The following BDP1 variants were observed in gnomAD, a reference collection of about 807,000 sequenced individuals.
BDP1 encodes transcription factor TFIIIB component B'' homolog.
In BDP1, 169 loss-of-function variants were observed where a neutral mutation model predicts 266.6. The observed-to-expected ratio is 0.63, with a 90% CI of 0.56 to 0.72. The LOEUF (loss-of-function observed/expected upper bound fraction) is 0.72, where lower values mean the gene tolerates loss of function less well. BDP1 is among the 30% of genes least tolerant of loss of function. The pLI, the probability that BDP1 is intolerant of heterozygous loss-of-function variation, is 0.00. For synonymous variants in BDP1, 1,090 were observed against 1,022.4 expected (o/e 1.07, Z -1.26); for missense variants, 3,015 against 3,053.8 (o/e 0.99, Z 0.30).
intron 11 of BDP1, among the ~76,000 whole-genome samples, chr5:71,493,898 T>C (rs1763735536): frequency 6.6e-6 from 1 of 152,228 alleles, no homozygotes; most frequent in African/African-American, 2.4e-5. Flanking sequence ...ACATAATATT[T>C]GATCCTTGTG....
At chr5:71,533,316 T>C (rs1054729466) in intron 26 of BDP1, among the ~76,000 whole-genome samples, 2 of 152,204 alleles carry the variant, frequency 1.3e-5, no homozygotes, top group African/African-American at 4.8e-5. Flanking sequence ...CTGAGTCATA[T>C]GGTAACTCTA....
At position 71,477,563 on chromosome 5, in the gene BDP1, C is replaced by T. The variant is rs1762666679; in HGVS notation, c.1015-6279C>T. Among the ~76,000 whole-genome samples the T allele has an allele frequency of 3.3e-5, 5 of 151,514 alleles. 1 individual carries two copies. The East Asian group carries it at 9.7e-4, about 29-fold the overall frequency. On this transcript the variant is annotated intron_variant, in intron 7 of 38. Coordinates refer to ENST00000358731, the MANE Select transcript of BDP1 (RefSeq NM_018429.3). ...AATGATCACAACTGATTACAGATTT[C>T]TTTTTTAATATTAAAAATTTTTTTT...
chr5:71,461,942 T>C lies in BDP1; in HGVS notation c.599+16T>C. On this transcript the variant is annotated intron_variant, in intron 3 of 38. Coordinates refer to ENST00000358731, the MANE Select transcript of BDP1 (RefSeq NM_018429.3). ...ATCCAATGACGTAAGTAAAATTTAT[T>C]TCTGCTTTACTATCTCTTTTTTTTT... 1.5e-6 allele frequency: 2 copies of C among 1,294,382 alleles called. No homozygotes were observed. Among genetic ancestry groups the C allele is most frequent in the Admixed American group, 2.0e-5 (1 of 50,836 alleles). 80.2% of individuals were successfully genotyped at this position (1,294,382 alleles called of 1,614,324 possible).
At chr5:71,468,889 G>A (rs1160021500) in intron 6 of BDP1, among the ~76,000 whole-genome samples, 1 of 151,980 alleles carries the variant, frequency 6.6e-6, no homozygotes, top group Non-Finnish European at 1.5e-5. Flanking sequence ...TTACACGCGT[G>A]AGCCACTGTG....
intron 16 of BDP1, among the ~76,000 whole-genome samples, chr5:71,506,547 C>T (rs1764585910): frequency 1.3e-5 from 2 of 151,898 alleles, no homozygotes; most frequent in South Asian, 4.2e-4. Flanking sequence ...GAGGCTGAGA[C>T]AGGAGGATCA....
chr5:71,510,651 C>T lies in BDP1; in HGVS notation c.3559C>T (p.Arg1187Ter), dbSNP rs1183656876. The T allele has an allele frequency of 1.4e-5, 22 of 1,585,446 alleles. No homozygotes were observed. The highest frequency in any genetic ancestry group is 1.7e-5 in the Non-Finnish European group (20 of 1,162,608). The change falls in exon 17 of 39, where the codon CGA (arginine) becomes TGA (stop). Residue 1187 changes from arginine (R) to a stop codon, truncating the protein, a stop_gained. Transcript: ENST00000358731. LOFTEE classifies it high-confidence loss of function. ...AGAGGGTTCCTCAAGGGAGAAGACACGAGAGGTGATTGATGCTGCTGAGGT... is the reference window on the plus strand; with the variant it reads ...AGAGGGTTCCTCAAGGGAGAAGACATGAGAGGTGATTGATGCTGCTGAGGT... ...GREGSSREKT[R>*]EVIDAAEVIE...
chr5:71,460,474 G>GT (rs2150344856), intron 2 of BDP1, among the ~76,000 whole-genome samples: 1 of 152,184 alleles, frequency 6.6e-6, no homozygotes, highest in East Asian at 1.9e-4. Flanking sequence ...ATGCCTCTTA[G>GT]TTTTTTTTAA....
intron 11 of BDP1, among the ~76,000 whole-genome samples, chr5:71,493,510 G>A (rs1032829502): frequency 6.6e-6 from 1 of 152,158 alleles, no homozygotes; most frequent in Non-Finnish European, 1.5e-5. Flanking sequence ...CTCAGCATGA[G>A]CCACTGTGTC....
In BDP1 at chr5:71,564,794, G is replaced by T. The variant is rs766797114; in HGVS notation, c.7784G>T (p.Ser2595Ile). Residue 2595 changes from serine (S) to isoleucine (I), a missense_variant, in exon 39 of 39, where the codon AGT becomes ATT. Ser to Ile is a moderately radical substitution (Grantham distance 142, BLOSUM62 -2). Coordinates refer to ENST00000358731, the MANE Select transcript of BDP1 (RefSeq NM_018429.3). Reference protein sequence around the residue: ...DQPLLKEGYKSAQKRAPQGEA... With the variant: ...DQPLLKEGYKIAQKRAPQGEA... ...CCCTTACTGAAAGAAGGATATAAAA[G>T]TGCCCAAAAGCGGGCCCCTCAAGGG... The T allele has an allele frequency of 9.3e-6, 15 of 1,610,798 alleles. No individual in the cohort carries two copies. The Admixed American group carries it at 2.5e-4, about 27-fold the overall frequency.
chr5:71,542,611 C>T (rs996459605), intron 30 of BDP1, among the ~76,000 whole-genome samples: 1 of 152,020 alleles, frequency 6.6e-6, no homozygotes, highest in African/African-American at 2.4e-5. Context: ...GTGACTCACA[C>T]CTGTAATTCC....
At chr5:71,499,644 A>C (rs1764111570) in intron 13 of BDP1, among the ~76,000 whole-genome samples, 2 of 152,194 alleles carry the variant, frequency 1.3e-5, no homozygotes, top group South Asian at 2.1e-4. Context: ...TTAAAAAAAA[A>C]CCCTTTTCCT....
intron 28 of BDP1, 31 bp from the exon 29 acceptor site, chr5:71,541,423 T>C (rs1766954307): frequency 9.8e-7 from 1 of 1,016,646 alleles, no homozygotes; most frequent in Non-Finnish European, 1.4e-6. Context: ...ATTTGGTCCA[T>C]TTTAATTTTG....
At chr5:71,483,989 T>C in intron 8 of BDP1, 93 bp downstream of exon 8, 1 of 1,088,494 alleles carries the variant, frequency 9.2e-7, no homozygotes, top group Non-Finnish European at 1.4e-6. Flanking sequence ...TTTAGATTTG[T>C]TTTGTTCCTG....
chr5:71,485,801 A>G (rs1343189140), intron 8 of BDP1, among the ~76,000 whole-genome samples: 1 of 152,200 alleles, frequency 6.6e-6, no homozygotes, highest in Non-Finnish European at 1.5e-5. Context: ...AATGGTTGTG[A>G]TAAAGGTAGG....
chr5:71,505,889 C>T (rs1486937176), intron 16 of BDP1, among the ~76,000 whole-genome samples: 1 of 152,172 alleles, frequency 6.6e-6, no homozygotes, highest in Non-Finnish European at 1.5e-5. Context: ...AGTACCTAAC[C>T]TGAGAGTGAA....
chr5:71,562,139 A>G (rs1171037176), intron 37 of BDP1, 135 bp from the exon 38 acceptor site: 3 of 699,904 alleles, frequency 4.3e-6, no homozygotes, highest in East Asian at 3.3e-5. Flanking sequence ...TGGAGGTTGC[A>G]GTGAGCCGAG....
chr5:71,485,877 A>G (rs1488560145), intron 8 of BDP1, among the ~76,000 whole-genome samples: 1 of 152,234 alleles, frequency 6.6e-6, no homozygotes, highest in Non-Finnish European at 1.5e-5. Flanking sequence ...TTATATTTAT[A>G]CACAGCTCAA....
At position 71,512,398 on chromosome 5, in the gene BDP1, T is replaced by C; in HGVS notation, c.4217T>C (p.Val1406Ala). 1 of 1,571,362 alleles carries C rather than the reference T, an allele frequency of 6.4e-7. No homozygotes were observed. Among genetic ancestry groups the C allele is most frequent in the South Asian group, 1.2e-5 (1 of 83,116 alleles). ...TEVQGIQSPD[V>A]PEQFSDINLS... Reference sequence around the variant, plus strand: ...GTCCAGGGGATTCAATCTCCAGATGTTCCAGAGCAGTTTTCAGATATTAAT... The same window carrying C: ...GTCCAGGGGATTCAATCTCCAGATGCTCCAGAGCAGTTTTCAGATATTAAT... Residue 1406 changes from valine to alanine, a missense_variant, in exon 18 of 39, where the codon GTT becomes GCT. Physicochemically the swap from Val to Ala is moderately conservative, Grantham distance 64 (BLOSUM62 0). Transcript: ENST00000358731.
chr5:71,464,510 A>G (rs1347193976), intron 4 of BDP1, among the ~76,000 whole-genome samples: 1 of 151,842 alleles, frequency 6.6e-6, no homozygotes, highest in African/African-American at 2.4e-5. Context: ...AAAAAATTAC[A>G]TTTGGTTGGG....
Sources: gnomAD v4.1 joint callset for allele counts (sites outside exome capture counted in the v4.1 genomes callset) on GRCh38, gnomAD v4.1.1 for gene constraint, MANE v1.5 for transcripts, NCBI Gene and HGNC (gene_info 2026-07-23, HGNC 2026-07-21) for gene names.